Variants in KCNIP4 observed in about 807,000 individuals in gnomAD.
KCNIP4 encodes potassium voltage-gated channel interacting protein 4.
KCNIP4 carries 12 observed loss-of-function variants against 34.0 expected under a neutral mutation model. The ratio of observed to expected loss-of-function variants is 0.35; its 90% CI spans 0.23 to 0.57. The LOEUF (loss-of-function observed/expected upper bound fraction) is 0.57. KCNIP4 is among the 20% of genes least tolerant of loss of function. The pLI is 0.83. For synonymous variants in KCNIP4, 124 were observed against 102.2 expected, an observed-to-expected ratio of 1.21 and a Z score of -1.29; for missense variants, 238 against 311.7, an observed-to-expected ratio of 0.76 and a Z score of 1.78.
intron 1 of KCNIP4, among the ~76,000 whole-genome samples, chr4:21,358,706 T>A (rs185340740): frequency 1.1e-4 from 16 of 152,280 alleles, no homozygotes; most frequent in Admixed American, 9.8e-4. Context: ...AAAGTCAAGC[T>A]GGGAACTGCT....
At chr4:21,179,751 A>ACTTATTTT (rs2109319326) in intron 1 of KCNIP4, among the ~76,000 whole-genome samples, 1 of 152,328 alleles carries the variant, frequency 6.6e-6, no homozygotes, top group African/African-American at 2.4e-5. Context: ...ATACAAAAAA[A>ACTTATTTT]CTTATTTTCT....
intron 1 of KCNIP4, among the ~76,000 whole-genome samples, chr4:21,883,260 G>T (rs1238916669): frequency 1.3e-5 from 2 of 150,634 alleles, no homozygotes; most frequent in African/African-American, 4.9e-5. Context: ...ATCCCCCTGT[G>T]TAAGCCTCCC....
At chr4:20,847,572 G>C (rs1203461370) in intron 3 of KCNIP4, among the ~76,000 whole-genome samples, 1 of 152,098 alleles carries the variant, frequency 6.6e-6, no homozygotes, top group African/African-American at 2.4e-5. Flanking sequence ...TCTGGCAAGA[G>C]ACCTAAAAAT....
chr4:21,816,321 T>C (rs1578025893), intron 1 of KCNIP4, among the ~76,000 whole-genome samples: 2 of 152,166 alleles, frequency 1.3e-5, no homozygotes, highest in South Asian at 4.2e-4. Context: ...TCTATGGACA[T>C]GTGATTAAAC....
chr4:21,816,555 C>T (rs1722000765), intron 1 of KCNIP4, among the ~76,000 whole-genome samples: 1 of 152,114 alleles, frequency 6.6e-6, no homozygotes, highest in Non-Finnish European at 1.5e-5. Context: ...GTCTCCATTG[C>T]ATTCTCTCCC....
intron 3 of KCNIP4, among the ~76,000 whole-genome samples, chr4:20,829,134 TG>T (rs1718115803): frequency 6.6e-6 from 1 of 152,190 alleles, no homozygotes; most frequent in Non-Finnish European, 1.5e-5. Flanking sequence ...CATTGTGAAG[TG>T]TGTCTTCTCT....
At chr4:21,819,965 G>A (rs1402849813) in intron 1 of KCNIP4, among the ~76,000 whole-genome samples, 2 of 152,012 alleles carry the variant, frequency 1.3e-5, no homozygotes, top group Non-Finnish European at 2.9e-5. Flanking sequence ...GCAATGCCCA[G>A]ATGGAAAGTG....
At chr4:21,427,541 C>A (rs1340001588) in intron 1 of KCNIP4, among the ~76,000 whole-genome samples, 1 of 152,102 alleles carries the variant, frequency 6.6e-6, no homozygotes, top group African/African-American at 2.4e-5. Context: ...GGATACCCTG[C>A]AGGGAGCAGG....
intron 1 of KCNIP4, among the ~76,000 whole-genome samples, chr4:21,091,973 A>G (rs914758898): frequency 6.6e-6 from 1 of 152,208 alleles, no homozygotes; most frequent in Non-Finnish European, 1.5e-5. Context: ...TGACAAGGAA[A>G]CCAAGACTCA....
chr4:21,508,102 C>T (rs16871284), intron 1 of KCNIP4, among the ~76,000 whole-genome samples: 10,113 of 152,138 alleles, frequency 0.066, 1,034 homozygotes, highest in African/African-American at 0.22. Flanking sequence ...TAGCATCTGC[C>T]CTTGAGGTTT....
chr4:21,279,877 T>C (rs2109163214), intron 1 of KCNIP4, among the ~76,000 whole-genome samples: 1 of 152,282 alleles, frequency 6.6e-6, no homozygotes, highest in East Asian at 1.9e-4. Context: ...TTTTTCCATG[T>C]TAAGATACAA....
At chr4:20,997,681 T>TACCCA (rs2149713618) in intron 1 of KCNIP4, among the ~76,000 whole-genome samples, 1 of 152,300 alleles carries the variant, frequency 6.6e-6, no homozygotes, top group East Asian at 1.9e-4. Flanking sequence ...CCATGGCATC[T>TACCCA]ACCCAACTCC....
At chr4:21,711,656 A>G (rs1713741110) in intron 1 of KCNIP4, among the ~76,000 whole-genome samples, 2 of 152,232 alleles carry the variant, frequency 1.3e-5, no homozygotes, top group Admixed American at 1.3e-4. Flanking sequence ...GATAAAATAT[A>G]TAGGCAAATT....
intron 1 of KCNIP4, among the ~76,000 whole-genome samples, chr4:21,370,785 G>C (rs1720272608): frequency 1.1e-5 from 1 of 94,376 alleles, no homozygotes. Flanking sequence ...GAACAGACAG[G>C]AGGTCATGGA....
At chr4:21,511,287 G>A (rs11946639) in intron 1 of KCNIP4, among the ~76,000 whole-genome samples, 131,635 of 152,150 alleles carry the variant, frequency 0.87, 57,090 homozygotes, top group East Asian at 0.99. Flanking sequence ...TATCACTTTT[G>A]TGACCTAAAT....
chr4:20,998,917 T>C (rs566510082), intron 1 of KCNIP4, among the ~76,000 whole-genome samples: 19 of 152,358 alleles, frequency 1.2e-4, no homozygotes, highest in African/African-American at 4.1e-4. Context: ...CCAACATTGA[T>C]GCAGGAGTTG....
At chr4:20,964,834 C>A (rs1734188508) in intron 1 of KCNIP4, among the ~76,000 whole-genome samples, 1 of 152,138 alleles carries the variant, frequency 6.6e-6, no homozygotes, top group Non-Finnish European at 1.5e-5. Flanking sequence ...AGTGCAATTT[C>A]AAGGCTCCTA....
intron 1 of KCNIP4, among the ~76,000 whole-genome samples, chr4:21,281,583 A>G (rs1382995050): frequency 6.6e-6 from 1 of 152,226 alleles, no homozygotes; most frequent in Non-Finnish European, 1.5e-5. Flanking sequence ...CAAAGTGATT[A>G]AGTGGTCTCT....
At chr4:20,824,446 C>T (rs1381141368) in intron 3 of KCNIP4, among the ~76,000 whole-genome samples, 3 of 152,144 alleles carry the variant, frequency 2.0e-5, no homozygotes, top group African/African-American at 7.2e-5. Flanking sequence ...CTTTGGGAGG[C>T]TGAGGCGGGC....
Sources: allele counts gnomAD v4.1 joint callset (sites outside exome capture counted in the v4.1 genomes callset), GRCh38; gene constraint gnomAD v4.1.1; transcripts MANE v1.5; gene names NCBI Gene and HGNC (gene_info 2026-07-23, HGNC 2026-07-21).